The following DNAH6 variants were observed in gnomAD, a reference collection of about 807,000 sequenced individuals.
DNAH6 encodes dynein axonemal heavy chain 6, also known as axonemal beta dynein heavy chain 6.
DNAH6 carries 340 observed loss-of-function variants against 491.4 expected under a neutral mutation model. The observed-to-expected ratio is 0.69, with a 90% CI of 0.63 to 0.76. DNAH6 has a LOEUF of 0.76. DNAH6 is among the 30% of genes least tolerant of loss of function. The pLI, the probability that DNAH6 is intolerant of heterozygous loss-of-function variation, is 0.00. For synonymous variants in DNAH6, 1,603 were observed against 1,686.1 expected, an observed-to-expected ratio of 0.95 and a Z score of 1.21; for missense variants, 4,443 against 4,972.2, an observed-to-expected ratio of 0.89 and a Z score of 3.20.
At position 84,607,040 on chromosome 2, in the gene DNAH6, T is replaced by TA; in HGVS notation, c.3239_3240insA (p.Lys1081GlufsTer6). ...GCCTCATCACGTTACCTTGGTCCAC[T>TA]GAAAACTCGAGTGGATGAATGGCAA... is the stretch of plus-strand genomic sequence containing the variant. On this transcript the variant is annotated frameshift_variant, in exon 21 of 77. Coordinates refer to ENST00000389394, the MANE Select transcript of DNAH6 (RefSeq NM_001370.2). LOFTEE classifies it high-confidence loss of function. 6.4e-7 allele frequency: 1 copy of TA among 1,551,556 alleles called. No homozygotes were observed. The highest frequency in any genetic ancestry group is 8.7e-7 in the Non-Finnish European group (1 of 1,146,832).
At chr2:84,569,340 G>A (rs1487162241) in intron 11 of DNAH6, among the ~76,000 whole-genome samples, 1 of 152,046 alleles carries the variant, frequency 6.6e-6, no homozygotes, top group African/African-American at 2.4e-5. Flanking sequence ...GAAGGAAAGG[G>A]AGATAAACCA....
intron 37 of DNAH6, among the ~76,000 whole-genome samples, chr2:84,666,001 C>T (rs1231081356): frequency 2.6e-5 from 4 of 152,074 alleles, no homozygotes; most frequent in Non-Finnish European, 2.9e-5. Flanking sequence ...TGACAAAAAC[C>T]ACATGATTAT....
intron 63 of DNAH6, among the ~76,000 whole-genome samples, chr2:84,755,142 G>A (rs1328383993): frequency 2.0e-5 from 3 of 152,188 alleles, no homozygotes; most frequent in African/African-American, 7.2e-5. Context: ...GCAGTGTTAA[G>A]CAGTGATTAG....
rs1426832948 is a variant in DNAH6 at position 84,659,067 on chromosome 2, A to T, written c.5982A>T (p.Val1994=). 1 of 1,489,194 alleles carries T rather than the reference A, an allele frequency of 6.7e-7. No individual in the cohort carries two copies. The highest frequency in any genetic ancestry group is 9.1e-7 in the Non-Finnish European group (1 of 1,095,668). 92.2% of individuals were successfully genotyped at this position (1,489,194 alleles called of 1,614,324 possible). Residue 1994 remains valine, a synonymous_variant, in exon 37 of 77, where the codon GTA becomes GTT. Transcript: ENST00000389394. ...KLNTILCQTF[V]FCYLWSLGGN... is the part of the protein sequence containing the mutation. ...ACACTATACTATGTCAGACTTTTGT[A>T]TTCTGTTATTTGTGGTCTTTGGGTG...
rs1674737512 is a variant in DNAH6, at chr2:84,763,019, T to G, written c.10703+74T>G. The G allele has an allele frequency of 6.0e-6, 7 of 1,173,790 alleles. No individual in the cohort carries two copies. The East Asian group carries it at 1.8e-4, about 30-fold the overall frequency. 72.7% of individuals were successfully genotyped at this position (1,173,790 alleles called of 1,614,324 possible). On this transcript the variant is annotated intron_variant, in intron 64 of 76. Transcript: ENST00000389394. ...TCTTTGTTAAAATTTGCCTTTGTTC[T>G]TCCCCTTGTAGAGCATAAATTCTTA... is the stretch of plus-strand genomic sequence containing the variant.
Position 84,604,458 on chromosome 2 carries a change from C to G in DNAH6, c.2988C>G (p.Leu996=), listed in dbSNP as rs1384245023. 2 of 1,551,828 alleles carry G rather than the reference C, an allele frequency of 1.3e-6. No homozygotes were observed. The highest frequency in any genetic ancestry group is 4.9e-5 in the East Asian group (2 of 40,924). The change falls in exon 19 of 77, where the codon CTC becomes CTG. Residue 996 remains leucine, a synonymous_variant. Transcript: ENST00000389394. Reference sequence around the variant, plus strand: ...AAATTCCATTAACCTTGGAGAGGCTCTCCCAGTTGCATGTTTTTGACTTTG... The same window carrying G: ...AAATTCCATTAACCTTGGAGAGGCTGTCCCAGTTGCATGTTTTTGACTTTG... ...DAEIPLTLER[L]SQLHVFDFGQ...
At position 84,709,437 on chromosome 2, in the gene DNAH6, T is replaced by C. The variant is rs1035223744; in HGVS notation, c.9143T>C (p.Ile3048Thr). The C allele has an allele frequency of 6.4e-6, 10 of 1,551,606 alleles. No homozygotes were observed. In the Admixed American group the frequency reaches 7.8e-5, roughly 12 times the overall value. ...AACATTCTTGGAGATCCCTACGAGATACGGCAGTGGAACACTGATGGGCTG... is the reference window on the plus strand; with the variant it reads ...AACATTCTTGGAGATCCCTACGAGACACGGCAGTGGAACACTGATGGGCTG... ...LINILGDPYE[I>T]RQWNTDGLPR... The change falls in exon 55 of 77, where the codon ATA becomes ACA. Residue 3048 changes from isoleucine (I) to threonine (T), a missense_variant. Transcript: ENST00000389394.
At chr2:84,594,662 T>C (rs1684410216) in intron 17 of DNAH6, among the ~76,000 whole-genome samples, 1 of 152,192 alleles carries the variant, frequency 6.6e-6, no homozygotes, top group Admixed American at 6.5e-5. Context: ...ACCTATACTT[T>C]CAAGTGTGGT....
At chr2:84,524,487 C>T (rs1676432020) in intron 2 of DNAH6, among the ~76,000 whole-genome samples, 1 of 151,968 alleles carries the variant, frequency 6.6e-6, no homozygotes, top group Non-Finnish European at 1.5e-5. Flanking sequence ...GTGTTGTTAG[C>T]TGTTTATTAC....
intron 35 of DNAH6, among the ~76,000 whole-genome samples, chr2:84,657,208 A>G (rs1278889672): frequency 6.6e-6 from 1 of 152,046 alleles, no homozygotes; most frequent in Non-Finnish European, 1.5e-5. Flanking sequence ...TCTTTCAACA[A>G]TAACCCACTG....
intron 29 of DNAH6, among the ~76,000 whole-genome samples, chr2:84,626,672 G>A (rs558088424): frequency 5.7e-4 from 86 of 152,006 alleles, no homozygotes; most frequent in Non-Finnish European, 7.2e-4. Flanking sequence ...GCTCAATCTC[G>A]GCTCACTGCA....
intron 4 of DNAH6, among the ~76,000 whole-genome samples, chr2:84,538,102 G>A (rs1677874659): frequency 6.6e-6 from 1 of 152,102 alleles, no homozygotes; most frequent in African/African-American, 2.4e-5. Flanking sequence ...AGTGAGTCAT[G>A]GAGCTGAGAT....
rs1679373624 is a variant in DNAH6 at position 84,805,906 on chromosome 2, C to G, written c.11611+112C>G. 4 of 915,412 alleles carry G rather than the reference C, an allele frequency of 4.4e-6. No homozygotes were observed. The East Asian group carries it at 1.2e-4, about 27-fold the overall frequency. 56.7% of individuals were successfully genotyped at this position (915,412 alleles called of 1,614,324 possible). On this transcript the variant is annotated intron_variant, in intron 71 of 76. Coordinates refer to ENST00000389394, the MANE Select transcript of DNAH6 (RefSeq NM_001370.2). ...GCTTATTATGTAGACTTTTTTTAAC[C>G]TAAAGAGCTCTTTTGACATGGAGCT...
chr2:84,467,119 C>G, the DNAH6 span, among the ~76,000 whole-genome samples: 1 of 152,160 alleles, frequency 6.6e-6, no homozygotes, highest in Admixed American at 6.5e-5. Flanking sequence ...CTGAATACCC[C>G]TTTAACTTTA....
chr2:84,552,876 G>C, intron 9 of DNAH6, 42 bp from the exon 10 acceptor site: 1 of 1,161,774 alleles, frequency 8.6e-7, no homozygotes, highest in Non-Finnish European at 1.2e-6. Flanking sequence ...TTTAGACCTT[G>C]ATACTTGTGT....
In DNAH6 at chr2:84,528,887, A is replaced by G; in HGVS notation, c.400-17A>G. On this transcript the variant is annotated splice_polypyrimidine_tract_variant and intron_variant, in intron 3 of 76. Coordinates refer to ENST00000389394, the MANE Select transcript of DNAH6 (RefSeq NM_001370.2). ...GCAAAGACTCATTTTTTTTTTTCAA[A>G]AATTGGCTTTGTTTAGATTCATCGG... 3 of 1,509,458 alleles carry G rather than the reference A, an allele frequency of 2.0e-6. No individual in the cohort carries two copies. The highest frequency in any genetic ancestry group is 2.7e-6 in the Non-Finnish European group (3 of 1,129,318). 93.5% of individuals were successfully genotyped at this position (1,509,458 alleles called of 1,614,324 possible). A position where few individuals can be genotyped will look rare whatever the true frequency, so the allele number is the denominator to read the frequency against.
chr2:84,797,765 CAAATA>C, intron 70 of DNAH6, 107 bp downstream of exon 70: 3 of 1,001,334 alleles, frequency 3.0e-6, no homozygotes, highest in Middle Eastern at 2.1e-4. Flanking sequence ...CCTAAATAAA[CAAATA>C]AAATAATTGT....
chr2:84,468,649 C>T, the DNAH6 span, among the ~76,000 whole-genome samples: 244 of 152,282 alleles, frequency 1.6e-3, no homozygotes, highest in African/African-American at 5.3e-3. Context: ...TTACTTACTT[C>T]GTAGGTGGGG....
chr2:84,638,791 G>T (rs1297495317), intron 31 of DNAH6, among the ~76,000 whole-genome samples: 1 of 152,130 alleles, frequency 6.6e-6, no homozygotes, highest in Admixed American at 6.5e-5. Flanking sequence ...AGGAAGTGTG[G>T]TGCTAGCATC....
Sources: allele counts gnomAD v4.1 joint callset (sites outside exome capture counted in the v4.1 genomes callset), GRCh38; gene constraint gnomAD v4.1.1; transcripts MANE v1.5; gene names NCBI Gene and HGNC (gene_info 2026-07-23, HGNC 2026-07-21).